CPSF3: variants seen among roughly 807,000 people sequenced by gnomAD.
CPSF3 encodes cleavage and polyadenylation specificity factor subunit 3.
Under a neutral mutation model 84.1 loss-of-function variants are expected in CPSF3, and 57 were observed. The observed-to-expected ratio is 0.68, with a 90% confidence interval of 0.55 to 0.85. The LOEUF (loss-of-function observed/expected upper bound fraction) is 0.85. Among genes scored for constraint, CPSF3 ranks in the 40% least tolerant of loss-of-function variants. The pLI is 0.00. For synonymous variants in CPSF3, 275 were observed against 278.1 expected (o/e 0.99, Z 0.11); for missense variants, 522 against 838.8 (o/e 0.62, Z 4.66).
chr2:9,466,341 C>CA (rs1491558265), intron 15 of CPSF3, among the ~76,000 whole-genome samples: 8,030 of 69,436 alleles, frequency 0.12, 693 homozygotes, highest in African/African-American at 0.29. Context: ...CACGCACACA[C>CA]GCGCGCGCGC....
At chr2:9,460,511 G>C (rs1313631335) in intron 15 of CPSF3, among the ~76,000 whole-genome samples, 7 of 152,250 alleles carry the variant, frequency 4.6e-5, no homozygotes, top group African/African-American at 1.7e-4. Context: ...AGATTAGGAA[G>C]ATATGCTACT....
intron 15 of CPSF3, among the ~76,000 whole-genome samples, chr2:9,467,491 AT>A (rs960442506): frequency 6.6e-6 from 1 of 152,004 alleles, no homozygotes; most frequent in Non-Finnish European, 1.5e-5. Flanking sequence ...GTAATAGAAA[AT>A]TTTTTTTAAA....
intron 9 of CPSF3, among the ~76,000 whole-genome samples, chr2:9,443,155 C>G (rs1464551667): frequency 6.6e-6 from 1 of 152,028 alleles, no homozygotes; most frequent in African/African-American, 2.4e-5. Flanking sequence ...AAGTGAGACC[C>G]TATTTGAAAA....
chr2:9,444,159 T>TATATA (rs1553344444), intron 10 of CPSF3, among the ~76,000 whole-genome samples: 62 of 113,272 alleles, frequency 5.5e-4, no homozygotes, highest in Middle Eastern at 4.9e-3. Context: ...TATATATATA[T>TATATA]TTTTTTTTTT....
At chr2:9,464,304 C>T (rs543120352) in intron 15 of CPSF3, among the ~76,000 whole-genome samples, 11 of 152,050 alleles carry the variant, frequency 7.2e-5, no homozygotes, top group South Asian at 6.2e-4. Flanking sequence ...AATATGATCT[C>T]GTGTCTGATG....
chr2:9,448,134 C>A, intron 10 of CPSF3, 64 bp from the exon 11 acceptor site: 1 of 885,908 alleles, frequency 1.1e-6, no homozygotes, highest in Non-Finnish European at 1.7e-6. Context: ...TTTAATTCAA[C>A]TTAAGGACCA....
In CPSF3 at chr2:9,438,340, TGAA is replaced by T. The variant is rs139947292; in HGVS notation, c.760+1983_760+1985del. ...ATCAAAGTCTTCGTAACCTGTAAGATGAAGAACAGAGAAGTTAGGAAGTTGAAA... is the reference window on the plus strand; with the variant it reads ...ATCAAAGTCTTCGTAACCTGTAAGATGAACAGAGAAGTTAGGAAGTTGAAA... On this transcript the variant is annotated intron_variant, in intron 7 of 17. Transcript: ENST00000238112. Among the ~76,000 whole-genome samples, 1,310 of 152,228 alleles carry T rather than the reference TGAA, an allele frequency of 8.6e-3. 19 individuals carry two copies. The highest frequency in any genetic ancestry group is 0.03 in the African/African-American group (1,254 of 41,534).
At chr2:9,462,057 G>A (rs141920270) in intron 15 of CPSF3, among the ~76,000 whole-genome samples, 77 of 152,286 alleles carry the variant, frequency 5.1e-4, no homozygotes, top group African/African-American at 1.8e-3. Flanking sequence ...ACCGTGCCGG[G>A]CCTAGGAGGA....
intron 1 of CPSF3, chr2:9,425,082 G>GA (rs1680330228): frequency 6.6e-6 from 1 of 152,232 alleles, no homozygotes; most frequent in South Asian, 2.1e-4. Flanking sequence ...CGTGGATCCT[G>GA]AAAAATGTGA....
At chr2:9,426,770 A>G (rs1254709374) in intron 1 of CPSF3, among the ~76,000 whole-genome samples, 1 of 151,774 alleles carries the variant, frequency 6.6e-6, no homozygotes, top group Non-Finnish European at 1.5e-5. Context: ...AGAACAAGAT[A>G]GGGACTGACA....
intron 10 of CPSF3, among the ~76,000 whole-genome samples, chr2:9,444,460 T>C (rs1174995766): frequency 2.0e-5 from 3 of 151,816 alleles, no homozygotes; most frequent in Non-Finnish European, 4.4e-5. Flanking sequence ...GTGTAACTTA[T>C]TAAAAATAAG....
chr2:9,436,170 G>A (rs764269877), intron 6 of CPSF3, 41 bp from the exon 7 acceptor site: 3 of 1,484,196 alleles, frequency 2.0e-6, no homozygotes, highest in Admixed American at 4.5e-5. Flanking sequence ...ATTCTTGGAG[G>A]ATCATTGGTC....
intron 10 of CPSF3, 70 bp downstream of exon 10, chr2:9,443,731 G>A: frequency 1.9e-6 from 3 of 1,544,282 alleles, no homozygotes; most frequent in South Asian, 1.2e-5. Flanking sequence ...TGTGCAGCAG[G>A]CAGTTCACAA....
chr2:9,473,034 G>T lies in CPSF3; in HGVS notation c.*17G>T. On this transcript the variant is annotated 3_prime_UTR_variant, in exon 18 of 18. Coordinates refer to ENST00000238112, the MANE Select transcript of CPSF3 (RefSeq NM_016207.4). ...GTTCACTGAGACTGTGCCTGTATAT[G>T]AACTTTGAAAAAATACTTGACTCTA... The T allele has an allele frequency of 6.4e-7, 1 of 1,572,480 alleles. No homozygotes were observed. Among genetic ancestry groups the T allele is most frequent in the Non-Finnish European group, 8.7e-7 (1 of 1,146,956 alleles).
chr2:9,426,506 G>A (rs1680398812), intron 1 of CPSF3, among the ~76,000 whole-genome samples: 1 of 152,192 alleles, frequency 6.6e-6, no homozygotes, highest in African/African-American at 2.4e-5. Flanking sequence ...CTAGAATTCA[G>A]AAGAACAATC....
intron 11 of CPSF3, among the ~76,000 whole-genome samples, chr2:9,449,989 A>G (rs1199519555): frequency 6.6e-6 from 1 of 151,538 alleles, no homozygotes; most frequent in Non-Finnish European, 1.5e-5. Flanking sequence ...GATATGTGCA[A>G]CTCCCATGTT....
intron 9 of CPSF3, among the ~76,000 whole-genome samples, chr2:9,442,902 T>A (rs1681004094): frequency 6.6e-6 from 1 of 150,996 alleles, no homozygotes; most frequent in Non-Finnish European, 1.5e-5. Flanking sequence ...GTGCCTCACA[T>A]CTGTAATCCT....
chr2:9,448,498 G>A, intron 11 of CPSF3, 148 bp downstream of exon 11: 1 of 653,810 alleles, frequency 1.5e-6, no homozygotes, highest in East Asian at 2.9e-5. Flanking sequence ...ATCCTTTTTG[G>A]CTTCTTTTGG....
rs1288727783 is a variant in CPSF3 at position 9,467,966 on chromosome 2, GACCTGCTA to G, written c.1856+191_1856+198del. The G allele has an allele frequency of 2.0e-5, 10 of 503,646 alleles. No homozygotes were observed. In the East Asian group the frequency reaches 3.1e-4, roughly 16 times the overall value. 31.2% of individuals were successfully genotyped at this position (503,646 alleles called of 1,614,324 possible). A position where few individuals can be genotyped will look rare whatever the true frequency, so the allele number is the denominator to read the frequency against. ...CCCTGCCAGCTCTGCACTCACCTGTGACCTGCTAGGTCAGCCGTTTGTGTTTCATTTAA... is the reference window on the plus strand; with the variant it reads ...CCCTGCCAGCTCTGCACTCACCTGTGGGTCAGCCGTTTGTGTTTCATTTAA... On this transcript the variant is annotated intron_variant, in intron 16 of 17. Transcript: ENST00000238112.
Sources: gnomAD v4.1 joint callset for allele counts (sites outside exome capture counted in the v4.1 genomes callset) on GRCh38, gnomAD v4.1.1 for gene constraint, MANE v1.5 for transcripts, NCBI Gene and HGNC (gene_info 2026-07-23, HGNC 2026-07-21) for gene names.